Variants in MAGI2 observed in about 807,000 individuals in gnomAD.
The protein encoded by MAGI2 is membrane associated guanylate kinase, WW and PDZ domain containing 2, also known as membrane-associated guanylate kinase, WW and PDZ domain-containing protein 2.
MAGI2 carries 35 observed loss-of-function variants against 133.3 expected under a neutral mutation model. The ratio of observed to expected loss-of-function variants is 0.26; its 90% CI spans 0.20 to 0.35. The LOEUF (loss-of-function observed/expected upper bound fraction) is 0.35, where lower values mean the gene tolerates loss of function less well. Among genes scored for constraint, MAGI2 ranks in the 10% least tolerant of loss-of-function variants. The probability of loss-of-function intolerance (pLI) is 1.00; values close to 1 mark genes in which losing one functional copy is unlikely to be tolerated. For synonymous variants in MAGI2, 729 were observed against 710.6 expected (o/e 1.03, Z -0.41); for missense variants, 1,636 against 1,863.4 (o/e 0.88, Z 2.25).
intron 2 of MAGI2, among the ~76,000 whole-genome samples, chr7:78,952,781 T>C (rs1031833097): frequency 5.3e-5 from 8 of 152,206 alleles, no homozygotes; most frequent in African/African-American, 1.7e-4. Flanking sequence ...TTTCCTTACA[T>C]GGTTTGCAAA....
At chr7:78,368,232 A>T (rs1312492620) in intron 7 of MAGI2, among the ~76,000 whole-genome samples, 1 of 152,234 alleles carries the variant, frequency 6.6e-6, no homozygotes, top group Non-Finnish European at 1.5e-5. Context: ...AAAGCTCAGT[A>T]ACCGTTTTTG....
intron 6 of MAGI2, among the ~76,000 whole-genome samples, chr7:78,426,571 C>T (rs1799299360): frequency 6.6e-6 from 1 of 151,890 alleles, no homozygotes; most frequent in South Asian, 2.1e-4. Context: ...CTAACCTGCA[C>T]ATTGTGCACA....
intron 1 of MAGI2, among the ~76,000 whole-genome samples, chr7:79,253,860 C>A (rs1283128267): frequency 6.6e-6 from 1 of 152,068 alleles, no homozygotes; most frequent in Non-Finnish European, 1.5e-5. Context: ...TTTGAGAACA[C>A]AATAGAATAA....
chr7:78,202,423 C>T (rs1254121134), intron 10 of MAGI2, among the ~76,000 whole-genome samples: 1 of 152,076 alleles, frequency 6.6e-6, no homozygotes, highest in African/African-American at 2.4e-5. Flanking sequence ...TGGCTCACAC[C>T]TGTAATTCCA....
At chr7:78,340,524 T>C (rs576463350) in intron 9 of MAGI2, among the ~76,000 whole-genome samples, 2 of 152,290 alleles carry the variant, frequency 1.3e-5, no homozygotes, top group East Asian at 3.9e-4. Flanking sequence ...TTCAGGCCAA[T>C]ATCCTTGATG....
At chr7:78,585,512 C>T (rs754864469) in intron 3 of MAGI2, among the ~76,000 whole-genome samples, 1 of 152,032 alleles carries the variant, frequency 6.6e-6, no homozygotes, top group Non-Finnish European at 1.5e-5. Context: ...GCATAGGAAC[C>T]GGGGGGACTG....
chr7:79,114,724 A>G (rs1819243767), intron 1 of MAGI2, among the ~76,000 whole-genome samples: 1 of 152,174 alleles, frequency 6.6e-6, no homozygotes, highest in Admixed American at 6.5e-5. Flanking sequence ...TTGGATTTTT[A>G]TCATCCATTG....
chr7:78,665,543 T>C (rs1057160840), intron 2 of MAGI2, among the ~76,000 whole-genome samples: 1 of 152,168 alleles, frequency 6.6e-6, no homozygotes, highest in Non-Finnish European at 1.5e-5. Flanking sequence ...ATTTCTTTTC[T>C]AATCTTTCTG....
Position 78,487,764 on chromosome 7 carries a change from C to T in MAGI2, c.1045+1997G>A, listed in dbSNP as rs973362884. The stretch of plus-strand genomic sequence containing the variant: ...CTTTGCTGGAAAAAGATATCATCAT[C>T]GGAGCCTCTACATTTTTAAATACAC... On this transcript the variant is annotated intron_variant, in intron 6 of 21. Coordinates refer to ENST00000354212, the MANE Select transcript of MAGI2 (RefSeq NM_012301.4). Among the ~76,000 whole-genome samples the T allele has an allele frequency of 1.1e-4, 16 of 152,158 alleles. No individual in the cohort carries two copies. In the East Asian group the frequency reaches 2.5e-3, roughly 24 times the overall value.
intron 1 of MAGI2, among the ~76,000 whole-genome samples, chr7:79,041,890 A>C (rs1264833328): frequency 1.3e-5 from 2 of 152,196 alleles, no homozygotes; most frequent in Non-Finnish European, 2.9e-5. Flanking sequence ...GGAAGTTAAC[A>C]TCATAAAACT....
intron 1 of MAGI2, among the ~76,000 whole-genome samples, chr7:79,249,994 G>C (rs757513511): frequency 2.0e-5 from 3 of 152,002 alleles, no homozygotes; most frequent in Admixed American, 2.0e-4. Flanking sequence ...AGATGGTTCA[G>C]CATATGAAAA....
At chr7:78,073,008 T>C (rs773146139) in intron 21 of MAGI2, 13 of 398,484 alleles carry the variant, frequency 3.3e-5, no homozygotes, top group Non-Finnish European at 4.0e-5. Context: ...TACTTATTGC[T>C]ATCTACATAG....
At chr7:78,473,311 G>C (rs779877323) in intron 6 of MAGI2, among the ~76,000 whole-genome samples, 8 of 152,034 alleles carry the variant, frequency 5.3e-5, no homozygotes, top group Non-Finnish European at 7.4e-5. Context: ...TCATATGTAG[G>C]ATAATAAATT....
chr7:78,526,398 A>C (rs1376187320), intron 3 of MAGI2, among the ~76,000 whole-genome samples: 9 of 152,316 alleles, frequency 5.9e-5, no homozygotes, highest in Non-Finnish European at 1.2e-4. Flanking sequence ...TTTCTAGAGC[A>C]CTTTTCACGG....
intron 1 of MAGI2, among the ~76,000 whole-genome samples, chr7:79,359,087 C>T (rs1028918277): frequency 2.0e-5 from 3 of 151,998 alleles, no homozygotes; most frequent in Non-Finnish European, 1.5e-5. Context: ...AATAAAAATG[C>T]TTCAAGAATT....
At chr7:78,874,669 T>C (rs1795283611) in intron 2 of MAGI2, among the ~76,000 whole-genome samples, 1 of 152,112 alleles carries the variant, frequency 6.6e-6, no homozygotes, top group South Asian at 2.1e-4. Context: ...TATTAGTCAA[T>C]GGGTATCAAA....
intron 6 of MAGI2, among the ~76,000 whole-genome samples, chr7:78,427,068 A>T (rs1799350569): frequency 6.6e-6 from 1 of 152,190 alleles, no homozygotes; most frequent in Non-Finnish European, 1.5e-5. Flanking sequence ...AAGTTAAGGA[A>T]GTATATTGTA....
chr7:78,825,052 A>G (rs58452403), intron 2 of MAGI2, among the ~76,000 whole-genome samples: 3,704 of 152,170 alleles, frequency 0.024, 145 homozygotes, highest in African/African-American at 0.084. Flanking sequence ...AACAACATAC[A>G]CCAGGGCCTG....
chr7:78,327,061 C>T (rs1421664397), intron 9 of MAGI2, among the ~76,000 whole-genome samples: 2 of 152,140 alleles, frequency 1.3e-5, no homozygotes, highest in South Asian at 2.1e-4. Context: ...ATTCTTCCTC[C>T]GGCCAGTGTA....
Sources: allele counts gnomAD v4.1 joint callset (sites outside exome capture counted in the v4.1 genomes callset), GRCh38; gene constraint gnomAD v4.1.1; transcripts MANE v1.5; gene names NCBI Gene and HGNC (gene_info 2026-07-23, HGNC 2026-07-21).